The following PIGR variants were observed in gnomAD, a reference collection of about 807,000 sequenced individuals.
PIGR encodes polymeric immunoglobulin receptor, also known as hepatocellular carcinoma associated protein TB6.
In PIGR, 22 loss-of-function variants were observed where a neutral mutation model predicts 69.5. The ratio of observed to expected loss-of-function variants is 0.32; its 90% CI spans 0.23 to 0.45. The LOEUF (loss-of-function observed/expected upper bound fraction) is 0.45. Among genes scored for constraint, PIGR ranks in the 20% least tolerant of loss-of-function variants. PIGR has a pLI of 1.00. For synonymous variants in PIGR, 413 were observed against 407.6 expected (o/e 1.01, Z -0.16); for missense variants, 885 against 974.0 (o/e 0.91, Z 1.22).
In PIGR at chr1:206,931,747, G is replaced by A. The variant is rs764998599; in HGVS notation, c.2064C>T (p.Asn688=). The stretch of plus-strand genomic sequence containing the variant: ...TGTCATTGGCTCCAAATTCCCTGGA[G>A]TTCTCGAAGTCTGACATGCTAATGT... The part of the protein sequence containing the change: ...RTDISMSDFE[N]SREFGANDNM... Residue 688 remains asparagine (N), a synonymous_variant, in exon 9 of 11, where the codon AAC becomes AAT. Transcript: ENST00000356495. The A allele has an allele frequency of 3.1e-6, 5 of 1,614,112 alleles. No homozygotes were observed. The highest frequency in any genetic ancestry group is 4.2e-6 in the Non-Finnish European group (5 of 1,179,996).
chr1:206,933,834 G>T (rs1321117644), intron 6 of PIGR, among the ~76,000 whole-genome samples: 2 of 151,596 alleles, frequency 1.3e-5, no homozygotes, highest in Non-Finnish European at 2.9e-5. Context: ...ATATAGAAGA[G>T]ACTTCAATCT....
chr1:206,939,148 G>A lies in PIGR; in HGVS notation c.359C>T (p.Ser120Phe). 6.8e-6 allele frequency: 11 copies of A among 1,612,688 alleles called. No individual in the cohort carries two copies. The highest frequency in any genetic ancestry group is 9.3e-6 in the Non-Finnish European group (11 of 1,178,850). The change falls in exon 3 of 11, where the codon TCC becomes TTC. Residue 120 changes from serine to phenylalanine, a missense_variant. Coordinates refer to ENST00000356495, the MANE Select transcript of PIGR (RefSeq NM_002644.4). ...GCTGACCTCCAGGCTGACATCAAAG[G>A]ACAGGCCTCGGCTATTGATGCCCAG... ...CGLGINSRGL[S>F]FDVSLEVSQG...
intron 1 of PIGR, among the ~76,000 whole-genome samples, chr1:206,941,816 C>A (rs891524094): frequency 2.0e-5 from 3 of 152,210 alleles, no homozygotes; most frequent in Admixed American, 6.5e-5. Context: ...ACAGAAGTCT[C>A]CACTTTCCCA....
At position 206,937,723 on chromosome 1, in the gene PIGR, G is replaced by A; in HGVS notation, c.417C>T (p.Val139=). The change falls in exon 4 of 11, where the codon GTC becomes GTT. Residue 139 remains valine (V), a synonymous_variant. Coordinates refer to ENST00000356495, the MANE Select transcript of PIGR (RefSeq NM_002644.4). The part of the protein sequence containing the change: ...QGPGLLNDTK[V]YTVDLGRTVT... ...CCGTTCTGCCCAGGTCCACTGTGTA[G>A]ACTTTAGTGTCATTTAGGAGCCCAG... 6.2e-7 allele frequency: 1 copy of A among 1,614,064 alleles called. No homozygotes were observed. Among genetic ancestry groups the A allele is most frequent in the Non-Finnish European group, 8.5e-7 (1 of 1,179,998 alleles).
chr1:206,930,493 T>C lies in PIGR; in HGVS notation c.2200-80A>G. On this transcript the variant is annotated intron_variant, in intron 10 of 10. Transcript: ENST00000356495. The surrounding 1 kb of genome is among the most constrained non-coding windows in gnomAD (Gnocchi z 4.3). ...GTCAGGGGAGGGGAGGTGCTTAATG[T>C]CCTGAATTCGTGATCTTGGTCCAAG... is the stretch of plus-strand genomic sequence containing the variant. 1 of 1,498,858 alleles carries C rather than the reference T, an allele frequency of 6.7e-7. No individual in the cohort carries two copies. Among genetic ancestry groups the C allele is most frequent in the Non-Finnish European group, 8.9e-7 (1 of 1,123,006 alleles). The allele number at this position is 1,498,858 out of a possible 1,614,324, so 92.8% of individuals were successfully genotyped here.
chr1:206,935,559 G>A lies in PIGR; in HGVS notation c.1305C>T (p.Asp435=), dbSNP rs771103207. Residue 435 remains aspartate, a synonymous_variant, in exon 5 of 11, where the codon GAC becomes GAT. Coordinates refer to ENST00000356495, the MANE Select transcript of PIGR (RefSeq NM_002644.4). This position sits in a 1 kb window ranked among gnomAD's most constrained non-coding sequence, Gnocchi z 4.4. ...TVILNQLTSR[D]AGFYWCLTNG... is the part of the protein sequence containing the mutation. The stretch of plus-strand genomic sequence containing the variant: ...TGGTCAGACACCAGTAGAAGCCGGC[G>A]TCCCGGCTGGTGAGCTGGTTGAGGA... 101 of 1,614,064 alleles carry A rather than the reference G, an allele frequency of 6.3e-5. 2 individuals are homozygous for A. In the South Asian group the frequency reaches 6.9e-4, roughly 11 times the overall value.
chr1:206,931,329 G>C (rs1432304799), intron 10 of PIGR, 168 bp downstream of exon 10: 7 of 1,497,562 alleles, frequency 4.7e-6, no homozygotes, highest in Non-Finnish European at 6.2e-6. Context: ...CAACCAGTAA[G>C]ATATAGTTCT....
In PIGR at chr1:206,931,151, C is replaced by A. The variant is rs141578183; in HGVS notation, c.2199+346G>T. On this transcript the variant is annotated intron_variant, in intron 10 of 10. Transcript: ENST00000356495. Reference sequence around the variant, plus strand: ...GATGTGTGGCCTGAGGTCCTTGGGTCCCCCAACCCAGGAAGAGCATCCATT... The same window carrying A: ...GATGTGTGGCCTGAGGTCCTTGGGTACCCCAACCCAGGAAGAGCATCCATT... 5.5e-3 allele frequency: 5,436 copies of A among 985,414 alleles called. 13 individuals are homozygous for A. Among genetic ancestry groups the A allele is most frequent in the Non-Finnish European group, 6.3e-3 (5,214 of 829,912 alleles). The allele number at this position is 985,414 out of a possible 1,614,324, so 61.0% of individuals were successfully genotyped here.
rs112125673 is a variant in PIGR, at chr1:206,943,637, C to T, written c.-54+2699G>A. On this transcript the variant is annotated intron_variant, in intron 1 of 10. Coordinates refer to ENST00000356495, the MANE Select transcript of PIGR (RefSeq NM_002644.4). ...GTTAAAGTGACTGCACTTCATCTCT[C>T]ATGGTGTGGAGTCCAAACCTTTGTC... is the stretch of plus-strand genomic sequence containing the variant. 5.7e-3 allele frequency among the ~76,000 whole-genome samples: 875 copies of T among 152,322 alleles called. 12 individuals are homozygous for T. Among genetic ancestry groups the T allele is most frequent in the African/African-American group, 0.02 (838 of 41,560 alleles).
At chr1:206,936,581 G>A (rs903978772) in intron 4 of PIGR, among the ~76,000 whole-genome samples, 1 of 152,250 alleles carries the variant, frequency 6.6e-6, no homozygotes, top group Non-Finnish European at 1.5e-5. Context: ...GCTCACTGGA[G>A]TAGGGCTGAG....
At chr1:206,943,291 G>A (rs1012564414) in intron 1 of PIGR, among the ~76,000 whole-genome samples, 2 of 152,050 alleles carry the variant, frequency 1.3e-5, no homozygotes, top group Non-Finnish European at 2.9e-5. Flanking sequence ...AGGGATTCTC[G>A]ACCCCAAGAC....
At position 206,939,105 on chromosome 1, in the gene PIGR, G is replaced by A; in HGVS notation, c.388+14C>T. On this transcript the variant is annotated intron_variant, in intron 3 of 10. Coordinates refer to ENST00000356495, the MANE Select transcript of PIGR (RefSeq NM_002644.4). ...TAACTTTCCCCCAGAAGCCCAAGGA[G>A]CTTGGATCCTTACCCTGGCTGACCT... The A allele has an allele frequency of 1.3e-6, 2 of 1,590,262 alleles. No homozygotes were observed. Among genetic ancestry groups the A allele is most frequent in the Non-Finnish European group, 1.7e-6 (2 of 1,162,552 alleles).
Position 206,937,525 on chromosome 1 carries a change from A to T in PIGR, c.615T>A (p.Val205=), listed in dbSNP as rs752400595. 2 of 1,614,224 alleles carry T rather than the reference A, an allele frequency of 1.2e-6. No individual in the cohort carries two copies. The highest frequency in any genetic ancestry group is 2.2e-5 in the South Asian group (2 of 91,084). Residue 205 remains valine (V), a synonymous_variant, in exon 4 of 11, where the codon GTT becomes GTA. Transcript: ENST00000356495. ...CGCTGAGCCTGAGTTGGTTGATGAC[A>T]ACGCTGAACAGTAACTGGCCAGTAC... The part of the protein sequence containing the change: ...IQGTGQLLFS[V]VINQLRLSDA...
intron 1 of PIGR, among the ~76,000 whole-genome samples, chr1:206,942,963 T>A (rs565797120): frequency 4.6e-5 from 7 of 152,276 alleles, no homozygotes; most frequent in Admixed American, 6.5e-5. Context: ...AGCTAAAACT[T>A]GAAGCACAAT....
Position 206,937,585 on chromosome 1 carries a change from G to T in PIGR, c.555C>A (p.Pro185=), listed in dbSNP as rs989695259. The change falls in exon 4 of 11, where the codon CCC becomes CCA. Residue 185 remains proline (P), a synonymous_variant. Transcript: ENST00000356495. The part of the protein sequence containing the change: ...LVIDSSGYVN[P]NYTGRIRLDI... ...CAAGGCGTATTCTTCCTGTATAGTT[G>T]GGATTTACATAACCACTGGAGTCGA... is the stretch of plus-strand genomic sequence containing the variant. 2 of 1,614,040 alleles carry T rather than the reference G, an allele frequency of 1.2e-6. No homozygotes were observed. Among genetic ancestry groups the T allele is most frequent in the East Asian group, 4.5e-5 (2 of 44,878 alleles).
chr1:206,939,728 T>C (rs1679943152), intron 2 of PIGR, among the ~76,000 whole-genome samples: 1 of 152,258 alleles, frequency 6.6e-6, no homozygotes, highest in Non-Finnish European at 1.5e-5. Context: ...TTTTATTTTA[T>C]ATATTTTTAT....
chr1:206,939,170 C>T lies in PIGR; in HGVS notation c.337G>A (p.Gly113Ser), dbSNP rs1014809959. 8 of 1,614,142 alleles carry T rather than the reference C, an allele frequency of 5.0e-6. No homozygotes were observed. Among genetic ancestry groups the T allele is most frequent in the Non-Finnish European group, 6.8e-6 (8 of 1,179,986 alleles). Residue 113 changes from glycine to serine, a missense_variant, in exon 3 of 11, where the codon GGC (glycine) becomes AGC (serine). By Grantham distance (56) the Gly-to-Ser change is moderately conservative. Transcript: ENST00000356495. ...DDSGRYKCGLGINSRGLSFDV... is the reference protein window; with the variant it reads ...DDSGRYKCGLSINSRGLSFDV... Reference sequence around the variant, plus strand: ...AAGGACAGGCCTCGGCTATTGATGCCCAGGCCACACTTGTAGCGCCCGGAG... The same window carrying T: ...AAGGACAGGCCTCGGCTATTGATGCTCAGGCCACACTTGTAGCGCCCGGAG...
In PIGR at chr1:206,937,203, T is replaced by G. The variant is rs1679881490; in HGVS notation, c.937A>C (p.Thr313Pro). ...DKDGSFSVVI[T>P]GLRKEDAGRY... ...CCTGCATCCTCCTTCCTCAGGCCTG[T>G]GATCACCACACTGAATGAGCCATCC... Residue 313 changes from threonine (T) to proline (P), a missense_variant, in exon 4 of 11, where the codon ACA (threonine) becomes CCA (proline). By Grantham distance (38) the Thr-to-Pro change is conservative. Coordinates refer to ENST00000356495, the MANE Select transcript of PIGR (RefSeq NM_002644.4). 1 of 1,614,060 alleles carries G rather than the reference T, an allele frequency of 6.2e-7. No individual in the cohort carries two copies. The highest frequency in any genetic ancestry group is 8.5e-7 in the Non-Finnish European group (1 of 1,180,032).
At chr1:206,938,181 C>T (rs953729309) in intron 3 of PIGR, among the ~76,000 whole-genome samples, 6 of 152,176 alleles carry the variant, frequency 3.9e-5, no homozygotes, top group South Asian at 2.1e-4. Flanking sequence ...TGGATTTCAA[C>T]GCATACAATA....
Sources: allele counts gnomAD v4.1 joint callset (sites outside exome capture counted in the v4.1 genomes callset), GRCh38; gene constraint gnomAD v4.1.1; non-coding constraint Gnocchi (gnomAD v3.1); transcripts MANE v1.5; gene names NCBI Gene and HGNC (gene_info 2026-07-23, HGNC 2026-07-21).